GMDS: variants seen among roughly 807,000 people sequenced by gnomAD.
GMDS encodes the protein GDP-mannose 4,6-dehydratase, also known as GDP-mannose 4,6 dehydratase.
In GMDS, 20 loss-of-function variants were observed where a neutral mutation model predicts 49.9. That is an observed-to-expected ratio of 0.40 (90% CI 0.28 to 0.58). GMDS has a LOEUF of 0.58. Ranked by LOEUF, GMDS falls within the 20% of genes least tolerant of loss-of-function variation. The pLI, the probability that GMDS is intolerant of heterozygous loss-of-function variation, is 0.42. For synonymous variants in GMDS, 177 were observed against 178.6 expected (o/e 0.99, Z 0.07); for missense variants, 362 against 481.4 (o/e 0.75, Z 2.32).
At chr6:1,913,481 G>C (rs1761189043) in intron 7 of GMDS, among the ~76,000 whole-genome samples, 1 of 151,946 alleles carries the variant, frequency 6.6e-6, no homozygotes, top group African/African-American at 2.4e-5. Context: ...AGGAAATTTG[G>C]TAGCAAACTA....
At chr6:1,999,951 TATGTA>T (rs1766583441) in intron 4 of GMDS, among the ~76,000 whole-genome samples, 1 of 37,654 alleles carries the variant, frequency 2.7e-5, no homozygotes, top group Non-Finnish European at 5.1e-5. Context: ...TAATATATAA[TATGTA>T]TATTATATAT....
rs1768917548 is a variant in GMDS, at chr6:1,778,158, A to C, written c.772-35572T>G. On this transcript the variant is annotated intron_variant, in intron 7 of 10. Transcript: ENST00000380815. The surrounding 1 kb of genome is among the most constrained non-coding windows in gnomAD (Gnocchi z 4.6). ...AAAGAGCTGAATAAAGGATCGAGTT[A>C]GACTGGCCTTCTCAACACCTCACGA... is the stretch of plus-strand genomic sequence containing the variant. Among the ~76,000 whole-genome samples the C allele has an allele frequency of 6.6e-6, 1 of 152,194 alleles. No homozygotes were observed. The highest frequency in any genetic ancestry group is 1.5e-5 in the Non-Finnish European group (1 of 68,036).
intron 2 of GMDS, among the ~76,000 whole-genome samples, chr6:2,119,045 A>C (rs1774999736): frequency 6.6e-6 from 1 of 152,164 alleles, no homozygotes; most frequent in African/African-American, 2.4e-5. Context: ...TATGAAATAG[A>C]TTTCTCAGAT....
At chr6:1,760,092 G>A (rs529786189) in intron 7 of GMDS, among the ~76,000 whole-genome samples, 1 of 152,298 alleles carries the variant, frequency 6.6e-6, no homozygotes, top group African/African-American at 2.4e-5. Context: ...AGACCTGTGT[G>A]GGCAGCAGAG....
chr6:1,642,684 A>C (rs921724146), intron 9 of GMDS, among the ~76,000 whole-genome samples: 8 of 152,110 alleles, frequency 5.3e-5, no homozygotes, highest in East Asian at 3.9e-4. Flanking sequence ...ACGTGGAGTA[A>C]TATTTTGACT....
At chr6:1,979,420 T>C (rs1004800305) in intron 4 of GMDS, among the ~76,000 whole-genome samples, 9 of 152,112 alleles carry the variant, frequency 5.9e-5, no homozygotes, top group Admixed American at 5.2e-4. Context: ...AACAGCAGAA[T>C]AGACCAAGTG....
At chr6:2,063,641 C>T (rs913366252) in intron 4 of GMDS, among the ~76,000 whole-genome samples, 4 of 152,148 alleles carry the variant, frequency 2.6e-5, no homozygotes, top group Non-Finnish European at 5.9e-5. Context: ...AGGCATGTTC[C>T]AAACTCAATA....
intron 9 of GMDS, among the ~76,000 whole-genome samples, chr6:1,652,972 T>G (rs896584850): frequency 2.0e-5 from 3 of 150,598 alleles, no homozygotes; most frequent in African/African-American, 4.9e-5. Context: ...TGCATTGTAT[T>G]TTGGCCTTCC....
rs558455856 is a variant in GMDS, at chr6:1,937,674, T to G, written c.644-7444A>C. Among the ~76,000 whole-genome samples the G allele has an allele frequency of 5.0e-4, 76 of 152,374 alleles. 2 individuals carry two copies. The South Asian group carries it at 0.01, about 20-fold the overall frequency. The stretch of plus-strand genomic sequence containing the variant: ...TCCAATGTGTGTCTATGTCTCTGGC[T>G]CTTCTTTTTATTATGTGGACACTTG... On this transcript the variant is annotated intron_variant, in intron 6 of 10. Transcript: ENST00000380815.
chr6:2,021,548 C>T (rs935936985), intron 4 of GMDS, among the ~76,000 whole-genome samples: 5 of 152,132 alleles, frequency 3.3e-5, no homozygotes, highest in South Asian at 2.1e-4. Context: ...AGTAAAGATA[C>T]AAGGTGGAAA....
Position 1,624,705 on chromosome 6 carries a change from G to C in GMDS, c.988-165C>G, listed in dbSNP as rs377543312. On this transcript the variant is annotated intron_variant, in intron 9 of 10. Coordinates refer to ENST00000380815, the MANE Select transcript of GMDS (RefSeq NM_001500.4). Reference sequence around the variant, plus strand: ...TGCGCGTTCAGTTGCGGCTCTCGGCGCCGTAAATCACTAGGTCGCGGTTAA... The same window carrying C: ...TGCGCGTTCAGTTGCGGCTCTCGGCCCCGTAAATCACTAGGTCGCGGTTAA... 31 of 613,984 alleles carry C rather than the reference G, an allele frequency of 5.0e-5. No individual in the cohort carries two copies. In the East Asian group the frequency reaches 6.3e-4, roughly 13 times the overall value. The allele number at this position is 613,984 out of a possible 1,614,324, so 38.0% of individuals were successfully genotyped here. A position where few individuals can be genotyped will look rare whatever the true frequency, so the allele number is the denominator to read the frequency against.
chr6:1,999,967 A>G lies in GMDS; in HGVS notation c.346-39001T>C, dbSNP rs1359880728. 3.0e-3 allele frequency among the ~76,000 whole-genome samples: 74 copies of G among 24,806 alleles called. 5 individuals are homozygous for G. Among genetic ancestry groups the G allele is most frequent in the African/African-American group, 0.012 (70 of 6,080 alleles). The allele number at this position is 24,806 out of a possible 152,430, so 16.3% of individuals were successfully genotyped here. Reference sequence around the variant, plus strand: ...AATATATAATATGTATATTATATATATATTATATATATATTTTATATATAT... The same window carrying G: ...AATATATAATATGTATATTATATATGTATTATATATATATTTTATATATAT... On this transcript the variant is annotated intron_variant, in intron 4 of 10. Transcript: ENST00000380815.
intron 7 of GMDS, among the ~76,000 whole-genome samples, chr6:1,919,604 A>G (rs1761612575): frequency 6.6e-6 from 1 of 152,218 alleles, no homozygotes; most frequent in South Asian, 2.1e-4. Flanking sequence ...TGTTTGGGGC[A>G]TATGCAGCAT....
At chr6:1,961,486 A>G (rs1042723398) in intron 4 of GMDS, among the ~76,000 whole-genome samples, 2 of 152,196 alleles carry the variant, frequency 1.3e-5, no homozygotes, top group African/African-American at 2.4e-5. Context: ...ACGAATGCAT[A>G]ATCTTTTTTT....
intron 6 of GMDS, among the ~76,000 whole-genome samples, chr6:1,955,980 T>C (rs1352443373): frequency 6.6e-6 from 1 of 152,178 alleles, no homozygotes; most frequent in Non-Finnish European, 1.5e-5. Context: ...TCATAGTGCT[T>C]GATCCTTTGG....
Position 1,946,230 on chromosome 6 carries a change from CT to C in GMDS, c.643+13636del, listed in dbSNP as rs557613290. 2.0e-5 allele frequency among the ~76,000 whole-genome samples: 3 copies of C among 152,306 alleles called. No individual in the cohort carries two copies. In the South Asian group the frequency reaches 6.2e-4, roughly 32 times the overall value. ...GCTAATGTAACTGGAAAAATACTCA[CT>C]GGGGCAATGAAATGTGATGGAAGGG... On this transcript the variant is annotated intron_variant, in intron 6 of 10. Coordinates refer to ENST00000380815, the MANE Select transcript of GMDS (RefSeq NM_001500.4).
intron 1 of GMDS, among the ~76,000 whole-genome samples, chr6:2,201,665 A>G (rs34642950): frequency 4.1e-4 from 47 of 114,268 alleles, no homozygotes; most frequent in Middle Eastern, 9.3e-3. Context: ...ATGTTAGCAG[A>G]GAGGTGAAGG....
chr6:1,796,525 C>T (rs188252585), intron 7 of GMDS, among the ~76,000 whole-genome samples: 1 of 152,124 alleles, frequency 6.6e-6, no homozygotes, highest in Admixed American at 6.6e-5. Flanking sequence ...ATGATCAAGT[C>T]ATGTTTGGGA....
chr6:2,198,355 T>C (rs754988755), intron 1 of GMDS, among the ~76,000 whole-genome samples: 3 of 152,172 alleles, frequency 2.0e-5, no homozygotes, highest in Non-Finnish European at 4.4e-5. Flanking sequence ...GAAAAAAATA[T>C]TTGTTAGGAA....
Sources: allele counts gnomAD v4.1 joint callset (sites outside exome capture counted in the v4.1 genomes callset), GRCh38; gene constraint gnomAD v4.1.1; non-coding constraint Gnocchi (gnomAD v3.1); transcripts MANE v1.5; gene names NCBI Gene and HGNC (gene_info 2026-07-23, HGNC 2026-07-21).